PTPRO: variants seen among roughly 807,000 people sequenced by gnomAD.
PTPRO encodes receptor-type tyrosine-protein phosphatase O.
In PTPRO, 62 loss-of-function variants were observed where a neutral mutation model predicts 145.2. The ratio of observed to expected loss-of-function variants is 0.43; its 90% confidence interval spans 0.35 to 0.53. The LOEUF (loss-of-function observed/expected upper bound fraction) is 0.53. Ranked by LOEUF, PTPRO falls within the 20% of genes least tolerant of loss-of-function variation. The pLI is 0.01. For missense variants in PTPRO, 1,345 were observed against 1,482.7 expected, an observed-to-expected ratio of 0.91 and a Z score of 1.53; for synonymous variants, 565 against 514.7, an observed-to-expected ratio of 1.10 and a Z score of -1.32.
At chr12:15,476,359 C>A (rs1307867440) in intron 1 of PTPRO, among the ~76,000 whole-genome samples, 3 of 152,110 alleles carry the variant, frequency 2.0e-5, no homozygotes, top group African/African-American at 7.2e-5. Flanking sequence ...GGGCTCTTTG[C>A]TTTCCTTAAA....
intron 1 of PTPRO, among the ~76,000 whole-genome samples, chr12:15,477,671 C>A (rs1411658665): frequency 6.6e-6 from 1 of 152,040 alleles, no homozygotes; most frequent in Non-Finnish European, 1.5e-5. Context: ...TGAGTCGGGA[C>A]AAAGTGGCAA....
intron 1 of PTPRO, among the ~76,000 whole-genome samples, chr12:15,433,171 C>CTTTTTTTTTTTTTTTTT (rs55746632): frequency 9.6e-6 from 1 of 103,644 alleles, no homozygotes; most frequent in African/African-American, 3.7e-5. Flanking sequence ...CAGTTTGGGG[C>CTTTTTTTTTTTTTTTTT]TTTTTTTTTT....
Position 15,528,457 on chromosome 12 carries a change from G to A in PTPRO, c.2164+2195G>A, listed in dbSNP as rs147713238. Among the ~76,000 whole-genome samples, 1,301 of 150,626 alleles carry A rather than the reference G, an allele frequency of 8.6e-3. 107 individuals are homozygous for A. In the East Asian group the frequency reaches 0.2, roughly 23 times the overall value. On this transcript the variant is annotated intron_variant, in intron 12 of 26. Transcript: ENST00000281171. ...GGAGAATGATGTGAACTCAGGAGGT[G>A]GAGCTTGCAGTGAGCCGAGATCGCA...
chr12:15,425,830 G>C (rs752335151), intron 1 of PTPRO, among the ~76,000 whole-genome samples: 25 of 151,598 alleles, frequency 1.6e-4, no homozygotes, highest in Non-Finnish European at 3.1e-4. Flanking sequence ...TTACTTTTTA[G>C]CATTGAAATT....
chr12:15,431,745 C>T (rs1393921125), intron 1 of PTPRO, among the ~76,000 whole-genome samples: 3 of 152,034 alleles, frequency 2.0e-5, no homozygotes, highest in African/African-American at 7.2e-5. Context: ...ATTAGAAAAA[C>T]TGCAAAATTT....
chr12:15,458,520 A>G (rs1330785604), intron 1 of PTPRO, among the ~76,000 whole-genome samples: 1 of 151,562 alleles, frequency 6.6e-6, no homozygotes, highest in Non-Finnish European at 1.5e-5. Context: ...GTGAGCTTTT[A>G]TCACTCTTTT....
At chr12:15,511,789 C>G (rs1261543980) in intron 7 of PTPRO, among the ~76,000 whole-genome samples, 1 of 152,186 alleles carries the variant, frequency 6.6e-6, no homozygotes, top group East Asian at 1.9e-4. Context: ...TGATCTCGAT[C>G]TCTTGACCTC....
At chr12:15,350,655 G>A (rs1937773610) in intron 1 of PTPRO, among the ~76,000 whole-genome samples, 1 of 152,150 alleles carries the variant, frequency 6.6e-6, no homozygotes, top group African/African-American at 2.4e-5. Flanking sequence ...TCTGATACAG[G>A]AATTCTTGAA....
At chr12:15,362,618 T>C (rs533510005) in intron 1 of PTPRO, among the ~76,000 whole-genome samples, 1 of 152,192 alleles carries the variant, frequency 6.6e-6, no homozygotes, top group Non-Finnish European at 1.5e-5. Context: ...CCTTATATGG[T>C]AGAGTTTATG....
At position 15,484,228 on chromosome 12, in the gene PTPRO, A is replaced by G. The variant is rs1941839907; in HGVS notation, c.330A>G (p.Arg110=). 1.9e-6 allele frequency: 3 copies of G among 1,613,344 alleles called. No homozygotes were observed. Among genetic ancestry groups the G allele is most frequent in the Non-Finnish European group, 1.7e-6 (2 of 1,179,626 alleles). Residue 110 remains arginine (R), a synonymous_variant, in exon 2 of 27, where the codon AGA becomes AGG. Coordinates refer to ENST00000281171, the MANE Select transcript of PTPRO (RefSeq NM_030667.3). ...GAAATGTGGTGACCAAGCCATCCAG[A>G]TCAATCACTGTGTTAACAAGTAAGC... The part of the protein sequence containing the change: ...VNGNVVTKPS[R]SITVLTKPLP...
chr12:15,458,271 T>C (rs12827544), intron 1 of PTPRO, among the ~76,000 whole-genome samples: 2 of 152,190 alleles, frequency 1.3e-5, no homozygotes, highest in African/African-American at 4.8e-5. Flanking sequence ...TTTTTTCTTG[T>C]TGCTTTCAAA....
At chr12:15,554,414 G>GTGTA (rs1555087919) in intron 15 of PTPRO, among the ~76,000 whole-genome samples, 1 of 149,350 alleles carries the variant, frequency 6.7e-6, no homozygotes, top group African/African-American at 2.4e-5. Flanking sequence ...GTGTGTGTGT[G>GTGTA]TATATATATA....
At chr12:15,435,799 C>CT (rs1418398847) in intron 1 of PTPRO, among the ~76,000 whole-genome samples, 1 of 152,164 alleles carries the variant, frequency 6.6e-6, no homozygotes, top group Non-Finnish European at 1.5e-5. Flanking sequence ...TCCCCAAATA[C>CT]TAACACATAC....
intron 19 of PTPRO, 35 bp downstream of exon 19, chr12:15,569,533 T>C (rs773029277): frequency 9.0e-6 from 14 of 1,550,496 alleles, no homozygotes; most frequent in East Asian, 6.7e-5. Context: ...CCTTCTGTAA[T>C]GGAAAGGGCC....
chr12:15,438,447 T>A (rs946258357), intron 1 of PTPRO, among the ~76,000 whole-genome samples: 1 of 151,308 alleles, frequency 6.6e-6, no homozygotes, highest in Non-Finnish European at 1.5e-5. Context: ...AGGTTGAAAA[T>A]CAACAAAAGG....
chr12:15,440,967 C>T (rs1381130720), intron 1 of PTPRO, among the ~76,000 whole-genome samples: 2 of 152,158 alleles, frequency 1.3e-5, no homozygotes, highest in African/African-American at 2.4e-5. Context: ...AGGCAGCAAA[C>T]TAACAAAGAA....
At chr12:15,523,540 C>T (rs1942771766) in intron 10 of PTPRO, among the ~76,000 whole-genome samples, 1 of 152,048 alleles carries the variant, frequency 6.6e-6, no homozygotes, top group Non-Finnish European at 1.5e-5. Flanking sequence ...TTTGGGAAGC[C>T]ACGATGGGTG....
chr12:15,484,163 C>T lies in PTPRO; in HGVS notation c.265C>T (p.His89Tyr), dbSNP rs1244706058. 1 of 1,613,518 alleles carries T rather than the reference C, an allele frequency of 6.2e-7. No individual in the cohort carries two copies. Among genetic ancestry groups the T allele is most frequent in the African/African-American group, 1.3e-5 (1 of 74,902 alleles). ...TCCTGTTATTTTCAAGGCCAGTTAT[C>T]ATGGCCTTTATTATATAATCACTCT... is the stretch of plus-strand genomic sequence containing the variant. Reference protein sequence around the residue: ...PPPVIFKASYHGLYYIITLVV... With the variant: ...PPPVIFKASYYGLYYIITLVV... Residue 89 changes from histidine to tyrosine, a missense_variant, in exon 2 of 27, where the codon CAT (histidine) becomes TAT (tyrosine). By Grantham distance (83) the His-to-Tyr change is moderately conservative. This residue lies in a region of PTPRO where 1,130 missense variants were observed against 1,214.7 expected (regional missense o/e 0.93). Transcript: ENST00000281171.
chr12:15,454,105 T>C (rs1282078671), intron 1 of PTPRO, among the ~76,000 whole-genome samples: 2 of 152,196 alleles, frequency 1.3e-5, no homozygotes, highest in Admixed American at 1.3e-4. Context: ...GAAATAAGAT[T>C]GCTGGATCAC....
Sources: allele counts gnomAD v4.1 joint callset (sites outside exome capture counted in the v4.1 genomes callset), GRCh38; gene constraint gnomAD v4.1.1; regional missense constraint gnomAD v4.1.1; transcripts MANE v1.5; gene names NCBI Gene and HGNC (gene_info 2026-07-23, HGNC 2026-07-21).